ACTR8: variants seen among roughly 807,000 people sequenced by gnomAD.
ACTR8 encodes the protein actin related protein 8, also known as actin-related protein 8.
In ACTR8, 70 loss-of-function variants were observed where a neutral mutation model predicts 84.3. The ratio of observed to expected loss-of-function variants is 0.83; its 90% CI spans 0.68 to 1.01. ACTR8 has a LOEUF of 1.01. Among genes scored for constraint, ACTR8 ranks in the 50% least tolerant of loss-of-function variants. ACTR8 has a pLI of 0.00. For synonymous variants in ACTR8, 268 were observed against 275.2 expected (o/e 0.97, Z 0.26); for missense variants, 672 against 775.4 (o/e 0.87, Z 1.58).
At chr3:53,876,126 G>T (rs546304162) in intron 6 of ACTR8, 46 bp from the exon 7 acceptor site, 2 of 1,606,212 alleles carry the variant, frequency 1.2e-6, no homozygotes, top group Non-Finnish European at 1.7e-6. Context: ...GCTGTAGCAC[G>T]GTAAAGATCC....
Position 53,871,432 on chromosome 3 carries a change from C to T in ACTR8, c.1367G>A (p.Arg456His), listed in dbSNP as rs753279053. The T allele has an allele frequency of 3.7e-6, 6 of 1,614,058 alleles. No homozygotes were observed. The highest frequency in any genetic ancestry group is 5.1e-6 in the Non-Finnish European group (6 of 1,180,028). Residue 456 changes from arginine (R) to histidine (H), a missense_variant, in exon 11 of 13, where the codon CGT (arginine) becomes CAT (histidine). Transcript: ENST00000335754. ...TTCTGGAAGATCAGAGGACTGGCCA[C>T]GAAGATCCCCTTCAAATCCAATAGG... ...SKPIGFEGDLRGQSSDLPERL... is the reference protein window; with the variant it reads ...SKPIGFEGDLHGQSSDLPERL...
chr3:53,864,484 G>A (rs1439287964), downstream of ACTR8, among the ~76,000 whole-genome samples: 2 of 152,080 alleles, frequency 1.3e-5, no homozygotes, highest in African/African-American at 4.8e-5. Flanking sequence ...GTAGTCAGCC[G>A]AGGTCACGCC....
Position 53,875,543 on chromosome 3 carries a change from A to G in ACTR8, c.911+405T>C, listed in dbSNP as rs115245065. On this transcript the variant is annotated intron_variant, in intron 7 of 12. Transcript: ENST00000335754. ...GACAAAAAATGCAGATATTCAAAAC[A>G]CTGGCCAGAGAATTCAGATTGAAAA... Among the ~76,000 whole-genome samples, 1,249 of 152,304 alleles carry G rather than the reference A, an allele frequency of 8.2e-3. 6 individuals carry two copies. The highest frequency in any genetic ancestry group is 0.013 in the African/African-American group (526 of 41,564).
chr3:53,877,877 A>G (rs1700000700), intron 3 of ACTR8, 126 bp from the exon 4 acceptor site: 1 of 713,656 alleles, frequency 1.4e-6, no homozygotes, highest in Non-Finnish European at 2.3e-6. Flanking sequence ...TATTTGGCAA[A>G]ATATTGACTG....
rs79749330 is a variant in ACTR8 at position 53,870,324 on chromosome 3, G to C, written c.1568-179C>G. ...AACACAAATGTAGGCATGTTGCCACGCCACCGCAATCCTACTTGCAGGATT... is the reference window on the plus strand; with the variant it reads ...AACACAAATGTAGGCATGTTGCCACCCCACCGCAATCCTACTTGCAGGATT... On this transcript the variant is annotated intron_variant, in intron 11 of 12. Coordinates refer to ENST00000335754, the MANE Select transcript of ACTR8 (RefSeq NM_022899.5). This position sits in a 1 kb window ranked among gnomAD's most constrained non-coding sequence, Gnocchi z 4.1. The C allele has an allele frequency of 1.7e-5, 11 of 657,496 alleles. No individual in the cohort carries two copies. In the Admixed American group the frequency reaches 3.2e-4, roughly 19 times the overall value. The allele number at this position is 657,496 out of a possible 1,614,324, so 40.7% of individuals were successfully genotyped here. A position where few individuals can be genotyped will look rare whatever the true frequency, so the allele number is the denominator to read the frequency against.
chr3:53,870,899 T>A lies in ACTR8; in HGVS notation c.1567+333A>T, dbSNP rs1242848694. ...CATCCCCTAGTGAGTAAAGATTCTA[T>A]GTGAAATTCCTCAAATTATTACACA... On this transcript the variant is annotated intron_variant, in intron 11 of 12. Transcript: ENST00000335754. The surrounding 1 kb of genome is among the most constrained non-coding windows in gnomAD (Gnocchi z 4.1). Among the ~76,000 whole-genome samples, 1 of 152,210 alleles carries A rather than the reference T, an allele frequency of 6.6e-6. No individual in the cohort carries two copies. Among genetic ancestry groups the A allele is most frequent in the Non-Finnish European group, 1.5e-5 (1 of 68,034 alleles).
intron 10 of ACTR8, 126 bp from the exon 11 acceptor site, chr3:53,871,622 C>T: frequency 9.5e-7 from 1 of 1,057,656 alleles, no homozygotes; most frequent in South Asian, 1.6e-5. Context: ...ACAACAACTG[C>T]CCAGCACCCA....
chr3:53,871,375 G>T lies in ACTR8; in HGVS notation c.1424C>A (p.Ser475Tyr). Residue 475 changes from serine (S) to tyrosine (Y), a missense_variant, in exon 11 of 13, where the codon TCT becomes TAT. Transcript: ENST00000335754. ...RLHSQEVDLG[S>Y]AQGDGLMAGN... ...GGCCATCAGGCCATCTCCCTGTGCAGACCCCAAATCTACCTCCTGGGAATG... is the reference window on the plus strand; with the variant it reads ...GGCCATCAGGCCATCTCCCTGTGCATACCCCAAATCTACCTCCTGGGAATG... 1 of 1,614,228 alleles carries T rather than the reference G, an allele frequency of 6.2e-7. No homozygotes were observed. The highest frequency in any genetic ancestry group is 8.5e-7 in the Non-Finnish European group (1 of 1,180,030).
downstream of ACTR8, among the ~76,000 whole-genome samples, chr3:53,866,493 T>G (rs1282937631): frequency 2.6e-5 from 4 of 152,176 alleles, no homozygotes; most frequent in Non-Finnish European, 5.9e-5. Flanking sequence ...TTAAATTTTT[T>G]TTTTTTGAGA....
Position 53,867,427 on chromosome 3 carries a change from C to T in ACTR8, c.*1292G>A, listed in dbSNP as rs1273698947. The T allele has an allele frequency of 1.3e-5, 2 of 152,184 alleles. No individual in the cohort carries two copies. Among genetic ancestry groups the T allele is most frequent in the Non-Finnish European group, 2.9e-5 (2 of 68,040 alleles). The allele number at this position is 152,184 out of a possible 1,614,324, so 9.4% of individuals were successfully genotyped here. ...TGGCAAGTTTAAATTGTTTCTAATA[C>T]TGGTGGACTCTTCATTTGTAACCTA... is the stretch of plus-strand genomic sequence containing the variant. On this transcript the variant is annotated 3_prime_UTR_variant, in exon 13 of 13. Coordinates refer to ENST00000335754, the MANE Select transcript of ACTR8 (RefSeq NM_022899.5).
chr3:53,868,763 A>C lies in ACTR8; in HGVS notation c.1831T>G (p.Phe611Val), dbSNP rs2107046581. ...LWIYQREWQR[F>V]GVRMLRERAA... ...CGCTCTCGTAACATGCGGACACCAAAGCGCTGCCACTCTCGCTGATAAATC... is the reference window on the plus strand; with the variant it reads ...CGCTCTCGTAACATGCGGACACCAACGCGCTGCCACTCTCGCTGATAAATC... Residue 611 changes from phenylalanine (F) to valine (V), a missense_variant, in exon 13 of 13, where the codon TTT becomes GTT. By Grantham distance (50) the Phe-to-Val change is conservative. Transcript: ENST00000335754. The C allele has an allele frequency of 6.2e-7, 1 of 1,614,230 alleles. No homozygotes were observed. The highest frequency in any genetic ancestry group is 8.5e-7 in the Non-Finnish European group (1 of 1,180,050).
At position 53,882,127 on chromosome 3, in the gene ACTR8, C is replaced by A. The variant is rs191309603; in HGVS notation, c.-26G>T. On this transcript the variant is annotated 5_prime_UTR_variant, in exon 1 of 13. Coordinates refer to ENST00000335754, the MANE Select transcript of ACTR8 (RefSeq NM_022899.5). ...TATGGCCGGAGACACCCACCAACCT[C>A]TCGCCTCAGCGCTGCAGCCACGACT... 2.6e-6 allele frequency: 4 copies of A among 1,550,534 alleles called. No homozygotes were observed. The highest frequency in any genetic ancestry group is 3.5e-6 in the Non-Finnish European group (4 of 1,146,334).
At chr3:53,879,763 G>T (rs1214990682) in intron 2 of ACTR8, among the ~76,000 whole-genome samples, 176 bp downstream of exon 2, 1 of 152,130 alleles carries the variant, frequency 6.6e-6, no homozygotes. Context: ...TACTTTTGTT[G>T]TAACTAATTC....
chr3:53,873,454 A>G (rs1477503021), intron 8 of ACTR8, among the ~76,000 whole-genome samples: 2 of 152,230 alleles, frequency 1.3e-5, no homozygotes, highest in Admixed American at 1.3e-4. Flanking sequence ...TTTAATATTT[A>G]GATTACCTGA....
chr3:53,873,881 G>A (rs1346435381), intron 8 of ACTR8, among the ~76,000 whole-genome samples: 1 of 152,148 alleles, frequency 6.6e-6, no homozygotes, highest in East Asian at 1.9e-4. Context: ...CTGGAGTGCA[G>A]TGGTGCAATC....
downstream of ACTR8, chr3:53,864,883 G>A (rs1275755178): frequency 5.6e-6 from 9 of 1,614,098 alleles, no homozygotes; most frequent in Non-Finnish European, 7.6e-6. Context: ...TTGCAGAAGT[G>A]AGGTCATCCT....
intron 6 of ACTR8, 46 bp downstream of exon 6, chr3:53,876,574 A>G: frequency 1.8e-6 from 2 of 1,093,022 alleles, no homozygotes; most frequent in Non-Finnish European, 2.8e-6. Context: ...TCATTAAAGA[A>G]AGAAAATTCC....
chr3:53,860,189 T>G, the ACTR8 span: 2 of 1,613,912 alleles, frequency 1.2e-6, no homozygotes, highest in East Asian at 2.2e-5. Flanking sequence ...GGTGGCCACA[T>G]GGGTGCTGGT....
At position 53,881,543 on chromosome 3, in the gene ACTR8, G is replaced by A. The variant is rs940354646; in HGVS notation, c.123+436C>T. On this transcript the variant is annotated intron_variant, in intron 1 of 12. Transcript: ENST00000335754. Reference sequence around the variant, plus strand: ...TGAGATTTCCTTAACAAAGGAAAAAGCCTGGACCCCAAACTATCCCTTAAC... The same window carrying A: ...TGAGATTTCCTTAACAAAGGAAAAAACCTGGACCCCAAACTATCCCTTAAC... 5 of 230,690 alleles carry A rather than the reference G, an allele frequency of 2.2e-5. No homozygotes were observed. In the Admixed American group the frequency reaches 2.7e-4, roughly 12 times the overall value. The allele number at this position is 230,690 out of a possible 1,614,324, so 14.3% of individuals were successfully genotyped here.
Sources: allele counts gnomAD v4.1 joint callset (sites outside exome capture counted in the v4.1 genomes callset), GRCh38; gene constraint gnomAD v4.1.1; non-coding constraint Gnocchi (gnomAD v3.1); transcripts MANE v1.5; gene names NCBI Gene and HGNC (gene_info 2026-07-23, HGNC 2026-07-21).